The following PAX5 variants were observed in gnomAD, a reference collection of about 807,000 sequenced individuals.
PAX5 encodes the protein paired box 5.
PAX5 carries 9 observed loss-of-function variants against 43.7 expected under a neutral mutation model. That is an observed-to-expected ratio of 0.21 (90% CI 0.12 to 0.36). The LOEUF (loss-of-function observed/expected upper bound fraction) is 0.36, where lower values mean the gene tolerates loss of function less well. Among genes scored for constraint, PAX5 ranks in the 10% least tolerant of loss-of-function variants. The pLI is 1.00. For missense variants in PAX5, 383 were observed against 532.7 expected (o/e 0.72, Z 2.77); for synonymous variants, 228 against 214.3 (o/e 1.06, Z -0.56).
rs1824285432 is a variant in PAX5, at chr9:36,862,218, GAGAAGA to G, written c.1013-15295_1013-15290del. On this transcript the variant is annotated intron_variant, in intron 8 of 9. Coordinates refer to ENST00000358127, the MANE Select transcript of PAX5 (RefSeq NM_016734.3). ...TACGGGGTTGTGGTGAGGATTCTAA[GAGAAGA>G]TGGGTGTGGAAGCTCTGGGTAAACT... 2.0e-5 allele frequency among the ~76,000 whole-genome samples: 3 copies of G among 152,310 alleles called. No homozygotes were observed. In the South Asian group the frequency reaches 6.2e-4, roughly 32 times the overall value.
In PAX5 at chr9:36,882,064, G is replaced by A. The variant is rs2131763528; in HGVS notation, c.952C>T (p.His318Tyr). Residue 318 changes from histidine (H) to tyrosine (Y), a missense_variant, in exon 8 of 10, where the codon CAC becomes TAC. Physicochemically the swap from His to Tyr is moderately conservative, Grantham distance 83. Coordinates refer to ENST00000358127, the MANE Select transcript of PAX5 (RefSeq NM_016734.3). This position sits in a 1 kb window ranked among gnomAD's most constrained non-coding sequence, Gnocchi z 4.4. ...CTGCCCTGTCCAGCGGGGGGGACGT[G>A]TGGAGGGTACCCGGGGAGGGTCGTG... ...ASTTLPGYPP[H>Y]VPPAGQGSYS... 2 of 1,610,404 alleles carry A rather than the reference G, an allele frequency of 1.2e-6. No individual in the cohort carries two copies. The highest frequency in any genetic ancestry group is 1.7e-6 in the Non-Finnish European group (2 of 1,177,514).
intron 5 of PAX5, among the ~76,000 whole-genome samples, chr9:37,001,548 G>A (rs535537860): frequency 7.2e-4 from 110 of 152,294 alleles, no homozygotes; most frequent in African/African-American, 1.9e-3. Flanking sequence ...TCCAAAAGCC[G>A]CAAATCTTCC....
chr9:36,844,976 G>A lies in PAX5; in HGVS notation c.1099+1867C>T, dbSNP rs536721384. 3.3e-5 allele frequency among the ~76,000 whole-genome samples: 5 copies of A among 152,334 alleles called. 1 individual carries two copies. Among genetic ancestry groups the A allele is most frequent in the African/African-American group, 9.6e-5 (4 of 41,576 alleles). On this transcript the variant is annotated intron_variant, in intron 9 of 9. Transcript: ENST00000358127. ...GCCACTATCAACCTCTAGGAACCTT[G>A]TAAAAATGAGAAAAATGTGTCCCTT...
intron 3 of PAX5, among the ~76,000 whole-genome samples, chr9:37,013,671 G>A (rs1399622904): frequency 6.6e-6 from 1 of 152,116 alleles, no homozygotes; most frequent in Non-Finnish European, 1.5e-5. Context: ...TTGTCCAGGT[G>A]CATCAGGCTT....
At position 37,034,043 on chromosome 9, in the gene PAX5, A is replaced by G. The variant is rs764745791; in HGVS notation, c.-12T>C. The G allele has an allele frequency of 7.6e-6, 12 of 1,569,994 alleles. No homozygotes were observed. The East Asian group carries it at 2.7e-4, about 36-fold the overall frequency. On this transcript the variant is annotated 5_prime_UTR_variant, in exon 1 of 10. Transcript: ENST00000358127. Reference sequence around the variant, plus strand: ...TTCTCTAAATCCATTTTGATTTTTCAGGACTTGATGGAATGGACAGGGAAA... The same window carrying G: ...TTCTCTAAATCCATTTTGATTTTTCGGGACTTGATGGAATGGACAGGGAAA...
At chr9:36,872,799 C>A (rs77832767) in intron 8 of PAX5, among the ~76,000 whole-genome samples, 1,753 of 152,326 alleles carry the variant, frequency 0.012, 16 homozygotes, top group Non-Finnish European at 0.019. Flanking sequence ...CAACAGGCAA[C>A]CCTGGCTCTC....
chr9:36,986,855 T>TC lies in PAX5; in HGVS notation c.604+15792dup, dbSNP rs537166741. 2.2e-4 allele frequency among the ~76,000 whole-genome samples: 33 copies of TC among 152,322 alleles called. 1 individual carries two copies. In the South Asian group the frequency reaches 6.6e-3, roughly 31 times the overall value. Reference sequence around the variant, plus strand: ...TCGGTGCGCCCTTGAGCGACTCGCTTCCTGCTCCTCTCATGCCTGGCTTTC... The same window carrying TC: ...TCGGTGCGCCCTTGAGCGACTCGCTTCCCTGCTCCTCTCATGCCTGGCTTTC... On this transcript the variant is annotated intron_variant, in intron 5 of 9. Coordinates refer to ENST00000358127, the MANE Select transcript of PAX5 (RefSeq NM_016734.3).
At chr9:36,855,469 G>A (rs959050591) in intron 8 of PAX5, among the ~76,000 whole-genome samples, 5 of 151,810 alleles carry the variant, frequency 3.3e-5, no homozygotes, top group African/African-American at 1.2e-4. Flanking sequence ...GTCCTGTCCT[G>A]CCCTCATCTA....
At chr9:36,893,101 A>G (rs533173683) in intron 7 of PAX5, among the ~76,000 whole-genome samples, 1 of 152,324 alleles carries the variant, frequency 6.6e-6, no homozygotes, top group African/African-American at 2.4e-5. Context: ...TTTATTCCAA[A>G]TTAACTTTTT....
chr9:36,991,100 C>A (rs7026346), intron 5 of PAX5, among the ~76,000 whole-genome samples: 87 of 91,396 alleles, frequency 9.5e-4, no homozygotes, highest in African/African-American at 3.6e-3. Flanking sequence ...TAGAGCCAGA[C>A]CTTGTCTCAA....
intron 5 of PAX5, among the ~76,000 whole-genome samples, chr9:36,980,937 C>T (rs935306846): frequency 3.3e-5 from 5 of 152,084 alleles, no homozygotes; most frequent in African/African-American, 1.2e-4. Context: ...TGGGTACCCC[C>T]CCAGCAATCC....
At chr9:36,871,778 C>A (rs113250187) in intron 8 of PAX5, among the ~76,000 whole-genome samples, 12 of 152,158 alleles carry the variant, frequency 7.9e-5, no homozygotes, top group African/African-American at 2.7e-4. Context: ...TAGATTCAGC[C>A]CAGAGCAGCA....
intron 5 of PAX5, among the ~76,000 whole-genome samples, chr9:36,990,590 C>A (rs1836846483): frequency 6.6e-6 from 1 of 152,184 alleles, no homozygotes; most frequent in South Asian, 2.1e-4. Flanking sequence ...TGGGGACCAG[C>A]CAGCAGGCTA....
At chr9:37,020,501 C>T (rs1839762916) in intron 2 of PAX5, 135 bp downstream of exon 2, 5 of 919,560 alleles carry the variant, frequency 5.4e-6, no homozygotes, top group Non-Finnish European at 8.4e-6. Flanking sequence ...GCTTTGCAGA[C>T]TTTAAAGTGC....
chr9:36,847,056 T>A (rs1362530315), intron 8 of PAX5, 127 bp from the exon 9 acceptor site: 1 of 635,658 alleles, frequency 1.6e-6, no homozygotes, highest in South Asian at 1.8e-5. Flanking sequence ...GGCGCTTTTG[T>A]AACCAACAAA....
chr9:36,875,689 A>T (rs1178147002), intron 8 of PAX5, among the ~76,000 whole-genome samples: 1 of 152,194 alleles, frequency 6.6e-6, no homozygotes, highest in East Asian at 1.9e-4. Context: ...GGTGGGTCCA[A>T]GGGAAACACA....
chr9:36,935,640 T>C (rs1472104899), intron 6 of PAX5, among the ~76,000 whole-genome samples: 1 of 152,190 alleles, frequency 6.6e-6, no homozygotes, highest in African/African-American at 2.4e-5. Context: ...GCCCTTTTCT[T>C]CCCCTGTCCT....
At chr9:36,843,550 T>C (rs542325831) in intron 9 of PAX5, among the ~76,000 whole-genome samples, 93 of 152,340 alleles carry the variant, frequency 6.1e-4, no homozygotes, top group Middle Eastern at 3.4e-3. Flanking sequence ...CTCCAGGTTA[T>C]AGACTTGGGC....
At chr9:36,990,637 C>T (rs1836850646) in intron 5 of PAX5, among the ~76,000 whole-genome samples, 1 of 152,198 alleles carries the variant, frequency 6.6e-6, no homozygotes, top group Non-Finnish European at 1.5e-5. Flanking sequence ...AGTGCTTGGA[C>T]TAAGGCAGTA....
Sources: gnomAD v4.1 joint callset for allele counts (sites outside exome capture counted in the v4.1 genomes callset) on GRCh38, gnomAD v4.1.1 for gene constraint, Gnocchi (gnomAD v3.1) non-coding constraint, MANE v1.5 for transcripts, NCBI Gene and HGNC (gene_info 2026-07-23, HGNC 2026-07-21) for gene names.